The following NBEA variants were observed in gnomAD, a reference collection of about 807,000 sequenced individuals.
NBEA encodes lysosomal-trafficking regulator 2.
A neutral mutation model predicts 343.4 loss-of-function variants in NBEA; 44 were observed. That is an observed-to-expected ratio of 0.13 (90% CI 0.10 to 0.16). The LOEUF is 0.16. Among genes scored for constraint, NBEA ranks in the 10% least tolerant of loss-of-function variants. The pLI is 1.00. For missense variants in NBEA, 2,555 were observed against 3,631.3 expected (o/e 0.70, Z 7.62); for synonymous variants, 1,175 against 1,238.7 (o/e 0.95, Z 1.08).
chr13:35,041,827 A>G (rs1218815003), intron 2 of NBEA, among the ~76,000 whole-genome samples: 1 of 151,956 alleles, frequency 6.6e-6, no homozygotes, highest in Non-Finnish European at 1.5e-5. Context: ...GTGTGGCTAG[A>G]TGCATTTCAG....
chr13:35,202,867 T>A (rs1024855995), intron 31 of NBEA, among the ~76,000 whole-genome samples: 2 of 152,194 alleles, frequency 1.3e-5, no homozygotes, highest in Admixed American at 1.3e-4. Context: ...TGGCAACTTG[T>A]CCTTTCTGTT....
At chr13:35,476,573 T>A (rs2075883336) in intron 41 of NBEA, 1 of 566,682 alleles carries the variant, frequency 1.8e-6, no homozygotes, top group Non-Finnish European at 3.2e-6. Context: ...ATTTGCGCTT[T>A]CCCGTAATCA....
chr13:35,330,665 G>A (rs987866163), intron 36 of NBEA, among the ~76,000 whole-genome samples: 4 of 151,974 alleles, frequency 2.6e-5, no homozygotes, highest in African/African-American at 7.2e-5. Context: ...GAATTAATAC[G>A]TAGTTAGGTC....
chr13:35,193,490 T>G (rs1241960797), intron 30 of NBEA, among the ~76,000 whole-genome samples: 1 of 151,922 alleles, frequency 6.6e-6, no homozygotes, highest in Non-Finnish European at 1.5e-5. Flanking sequence ...ACCACTCTTT[T>G]TCTTAACCTA....
chr13:34,966,621 G>GT (rs796166986), intron 1 of NBEA, among the ~76,000 whole-genome samples: 3,513 of 131,338 alleles, frequency 0.027, 90 homozygotes, highest in African/African-American at 0.067. Flanking sequence ...CTGAGCCTGT[G>GT]TTTTTTTTTT....
chr13:35,308,552 ATATATG>A (rs1413850563), intron 35 of NBEA, among the ~76,000 whole-genome samples: 34 of 111,716 alleles, frequency 3.0e-4, no homozygotes, highest in African/African-American at 7.5e-4. Flanking sequence ...ATATATATGT[ATATATG>A]TATATATGTA....
intron 33 of NBEA, among the ~76,000 whole-genome samples, chr13:35,212,914 C>A (rs1459016322): frequency 6.6e-6 from 1 of 151,270 alleles, no homozygotes; most frequent in Non-Finnish European, 1.5e-5. Context: ...TGAAAATGAG[C>A]CCTTTGTAGA....
At chr13:35,142,197 C>A (rs2068129733) in intron 17 of NBEA, 72 bp from the exon 18 acceptor site, 2 of 893,674 alleles carry the variant, frequency 2.2e-6, no homozygotes, top group Middle Eastern at 2.6e-4. Context: ...ATTGTTCTCT[C>A]TTATCTAAAA....
chr13:34,969,986 T>C (rs2059949405), intron 1 of NBEA, among the ~76,000 whole-genome samples: 1 of 152,164 alleles, frequency 6.6e-6, no homozygotes, highest in African/African-American at 2.4e-5. Flanking sequence ...TTTTCTACAA[T>C]GGTTGAGCTA....
chr13:35,327,756 C>G lies in NBEA; in HGVS notation c.5903+18164C>G, dbSNP rs571072426. Among the ~76,000 whole-genome samples the G allele has an allele frequency of 2.6e-5, 4 of 151,880 alleles. No homozygotes were observed. In the East Asian group the frequency reaches 7.7e-4, roughly 29 times the overall value. ...ATATACCCAGGTAACGATCCTGCAT[C>G]CCCTGAATCTAAAATAAAAATTGAA... is the stretch of plus-strand genomic sequence containing the variant. On this transcript the variant is annotated intron_variant, in intron 36 of 58. Coordinates refer to ENST00000379939, the MANE Select transcript of NBEA (RefSeq NM_001385012.1).
At position 35,265,880 on chromosome 13, in the gene NBEA, G is replaced by A. The variant is rs80285243; in HGVS notation, c.5777-24509G>A. On this transcript the variant is annotated intron_variant, in intron 34 of 58. Coordinates refer to ENST00000379939, the MANE Select transcript of NBEA (RefSeq NM_001385012.1). ...GGATTGCATCAAACTAAAAATCTTC[G>A]GCACAGCAAAGAAAACAAACAACAG... is the stretch of plus-strand genomic sequence containing the variant. Among the ~76,000 whole-genome samples, 637 of 151,720 alleles carry A rather than the reference G, an allele frequency of 4.2e-3. 4 individuals are homozygous for A. Among genetic ancestry groups the A allele is most frequent in the African/African-American group, 0.012 (512 of 41,484 alleles).
chr13:35,210,017 T>G (rs1236229578), intron 32 of NBEA, among the ~76,000 whole-genome samples: 1 of 152,100 alleles, frequency 6.6e-6, no homozygotes, highest in Non-Finnish European at 1.5e-5. Context: ...AGTAAAACTG[T>G]TTTTCTTTTA....
At chr13:35,375,315 C>T (rs1232735732) in intron 38 of NBEA, among the ~76,000 whole-genome samples, 4 of 152,072 alleles carry the variant, frequency 2.6e-5, no homozygotes, top group Non-Finnish European at 4.4e-5. Context: ...CTTTTAGCCA[C>T]GCCGTCTCAA....
intron 35 of NBEA, among the ~76,000 whole-genome samples, chr13:35,297,213 C>G (rs955733523): frequency 2.6e-5 from 4 of 151,942 alleles, no homozygotes; most frequent in Admixed American, 6.6e-5. Context: ...TACCTCATAT[C>G]TTCCCAATTA....
At chr13:35,204,808 T>G (rs66704824) in intron 31 of NBEA, among the ~76,000 whole-genome samples, 12,341 of 152,156 alleles carry the variant, frequency 0.081, 564 homozygotes, top group African/African-American at 0.12. Context: ...AAAAATGTTT[T>G]TACCACCAAA....
intron 34 of NBEA, among the ~76,000 whole-genome samples, chr13:35,279,930 C>T (rs1410156216): frequency 6.6e-6 from 1 of 152,060 alleles, no homozygotes; most frequent in Non-Finnish European, 1.5e-5. Flanking sequence ...AGAAGTTATC[C>T]ATTTCTCCTG....
chr13:35,048,922 C>G (rs766054754), intron 5 of NBEA, among the ~76,000 whole-genome samples: 1 of 151,722 alleles, frequency 6.6e-6, no homozygotes, highest in Admixed American at 6.6e-5. Context: ...GTTTAAAAGT[C>G]AAAGGTACAG....
chr13:35,413,122 C>T (rs999944782), intron 38 of NBEA, among the ~76,000 whole-genome samples: 1 of 151,992 alleles, frequency 6.6e-6, no homozygotes, highest in Non-Finnish European at 1.5e-5. Flanking sequence ...AAATGTCTCA[C>T]TTCTGCTCAC....
chr13:35,507,203 T>C (rs2077102037), intron 41 of NBEA, among the ~76,000 whole-genome samples: 1 of 152,172 alleles, frequency 6.6e-6, no homozygotes, highest in African/African-American at 2.4e-5. Context: ...GATGCCCTAC[T>C]CCTGTTCTAC....
Sources: gnomAD v4.1 joint callset for allele counts (sites outside exome capture counted in the v4.1 genomes callset) on GRCh38, gnomAD v4.1.1 for gene constraint, MANE v1.5 for transcripts, NCBI Gene and HGNC (gene_info 2026-07-23, HGNC 2026-07-21) for gene names.